The following KDM2B variants were observed in gnomAD, a reference collection of about 807,000 sequenced individuals.
KDM2B encodes the protein lysine demethylase 2B.
In KDM2B, 26 loss-of-function variants were observed where a neutral mutation model predicts 150.0. The ratio of observed to expected loss-of-function variants is 0.17; its 90% CI spans 0.13 to 0.24. The LOEUF is 0.24. Ranked by LOEUF, KDM2B falls within the 10% of genes least tolerant of loss-of-function variation. The pLI is 1.00. For missense variants in KDM2B, 1,265 were observed against 1,816.9 expected (o/e 0.70, Z 5.52); for synonymous variants, 734 against 729.5 (o/e 1.01, Z -0.10).
intron 4 of KDM2B, among the ~76,000 whole-genome samples, chr12:121,559,555 C>CAGGG (rs879997784): frequency 3.3e-5 from 5 of 152,056 alleles, no homozygotes; most frequent in Non-Finnish European, 7.4e-5. Flanking sequence ...CAGAGGGGAC[C>CAGGG]AGGGAGGCAG....
At chr12:121,444,800 C>G (rs1421227821) in intron 14 of KDM2B, 1 of 541,828 alleles carries the variant, frequency 1.8e-6, no homozygotes, top group African/African-American at 1.9e-5. Context: ...CTGGTGCCCT[C>G]GGCCATAAAA....
chr12:121,543,204 A>C (rs1888742053), intron 6 of KDM2B, among the ~76,000 whole-genome samples: 1 of 152,046 alleles, frequency 6.6e-6, no homozygotes, highest in Admixed American at 6.6e-5. Context: ...AAAAATACAA[A>C]AATTAGCTGG....
At position 121,549,462 on chromosome 12, in the gene KDM2B, C is replaced by T. The variant is rs782114513; in HGVS notation, c.574G>A (p.Val192Met). The T allele has an allele frequency of 2.9e-5, 46 of 1,593,596 alleles. No individual in the cohort carries two copies. In the East Asian group the frequency reaches 1.0e-3, roughly 36 times the overall value. The change falls in exon 5 of 23, where the codon GTG becomes ATG. Residue 192 changes from valine to methionine, a missense_variant and splice_region_variant. Coordinates refer to ENST00000377071, the MANE Select transcript of KDM2B (RefSeq NM_032590.5). This position sits in a 1 kb window ranked among gnomAD's most constrained non-coding sequence, Gnocchi z 4.4. ...GGGTACCTGGGCCCCGGACCTACCACAGTCGGACGCTTGACCAAGTGCTCC... is the reference window on the plus strand; with the variant it reads ...GGGTACCTGGGCCCCGGACCTACCATAGTCGGACGCTTGACCAAGTGCTCC... ...KLEHLVKRPT[V>M]VDLVDWVDNM...
In KDM2B at chr12:121,532,932, G is replaced by A. The variant is rs782207344; in HGVS notation, c.805C>T (p.His269Tyr). 2.5e-6 allele frequency: 4 copies of A among 1,614,190 alleles called. No homozygotes were observed. Among genetic ancestry groups the A allele is most frequent in the Non-Finnish European group, 3.4e-6 (4 of 1,180,044 alleles). ...KIFWLIPPTLHNLALYEEWVL... is the reference protein window; with the variant it reads ...KIFWLIPPTLYNLALYEEWVL... ...CACTCCTCGTACAGCGCCAAATTGT[G>A]CAGCGTTGGAGGAATCAGCCAAAAA... The change falls in exon 8 of 23, where the codon CAC (histidine) becomes TAC (tyrosine). Residue 269 changes from histidine to tyrosine, a missense_variant. By Grantham distance (83) the His-to-Tyr change is moderately conservative. This residue lies in a region of KDM2B where 214 missense variants were observed against 447.4 expected (regional missense o/e 0.48). Transcript: ENST00000377071.
intron 22 of KDM2B, among the ~76,000 whole-genome samples, chr12:121,435,975 C>T (rs1383913004): frequency 6.6e-6 from 1 of 152,206 alleles, no homozygotes; most frequent in East Asian, 1.9e-4. Flanking sequence ...CTGCTGAAGG[C>T]CACTGACAGC....
At chr12:121,504,065 C>G (rs374931052) in intron 11 of KDM2B, among the ~76,000 whole-genome samples, 14 of 152,342 alleles carry the variant, frequency 9.2e-5, no homozygotes, top group African/African-American at 3.4e-4. Flanking sequence ...ACTTCCATCA[C>G]AGTAAGTGTC....
At chr12:121,422,798 G>A in the KDM2B span, among the ~76,000 whole-genome samples, 1 of 152,308 alleles carries the variant, frequency 6.6e-6, no homozygotes, top group South Asian at 2.1e-4. Flanking sequence ...GGTGGGCCAA[G>A]AGCCAGGACG....
chr12:121,548,536 C>T (rs1889240716), intron 6 of KDM2B, among the ~76,000 whole-genome samples: 1 of 152,196 alleles, frequency 6.6e-6, no homozygotes, highest in Non-Finnish European at 1.5e-5. Context: ...CACAATGTCT[C>T]ATGGAGGGAG....
chr12:121,562,772 C>T (rs1358547491), intron 4 of KDM2B, among the ~76,000 whole-genome samples: 1 of 152,128 alleles, frequency 6.6e-6, no homozygotes, highest in African/African-American at 2.4e-5. Context: ...CCTGGCTCCA[C>T]TGCCTACCAG....
intron 4 of KDM2B, among the ~76,000 whole-genome samples, chr12:121,554,625 G>C (rs1889765962): frequency 6.6e-6 from 1 of 151,944 alleles, no homozygotes; most frequent in Non-Finnish European, 1.5e-5. Flanking sequence ...TGTCCAGGCT[G>C]GTCTAGAACT....
chr12:121,460,628 G>A (rs1170225751), intron 12 of KDM2B, among the ~76,000 whole-genome samples: 4 of 152,028 alleles, frequency 2.6e-5, no homozygotes, highest in African/African-American at 7.2e-5. Context: ...GGCTGGTCTC[G>A]ATCTTCTGGG....
intron 11 of KDM2B, among the ~76,000 whole-genome samples, chr12:121,507,459 A>C (rs930697620): frequency 6.6e-6 from 1 of 152,252 alleles, no homozygotes; most frequent in Non-Finnish European, 1.5e-5. Flanking sequence ...GAGATGCCTC[A>C]TTTCATATTA....
the KDM2B span, chr12:121,419,981 TGAGA>T: frequency 5.7e-6 from 2 of 350,418 alleles, no homozygotes; most frequent in Non-Finnish European, 1.1e-5. Context: ...GGGACCTTCC[TGAGA>T]GAGTTAATAC....
upstream of KDM2B, chr12:121,581,076 T>C: frequency 1.2e-6 from 1 of 855,980 alleles, no homozygotes; most frequent in Non-Finnish European, 1.7e-6. Context: ...CCGGAAGACG[T>C]TGCCTTTCAT....
At chr12:121,554,033 C>CCACACAAA (rs1491387029) in intron 4 of KDM2B, among the ~76,000 whole-genome samples, 2 of 122,064 alleles carry the variant, frequency 1.6e-5, no homozygotes, top group South Asian at 5.8e-4. Flanking sequence ...CACCCCAGCT[C>CCACACAAA]CACACACACA....
chr12:121,577,746 A>G (rs555974091), intron 2 of KDM2B, among the ~76,000 whole-genome samples: 1 of 152,318 alleles, frequency 6.6e-6, no homozygotes, highest in South Asian at 2.1e-4. Context: ...AATATCTGAA[A>G]GGGAAAAGGA....
Position 121,439,842 on chromosome 12 carries a change from G to A in KDM2B, c.3829+15C>T, listed in dbSNP as rs1555287730. 1.9e-6 allele frequency: 3 copies of A among 1,609,800 alleles called. No individual in the cohort carries two copies. Among genetic ancestry groups the A allele is most frequent in the South Asian group, 2.2e-5 (2 of 90,920 alleles). ...ACGGAGTGTTAGGCAGACCCGATGG[G>A]GGCCCCTGACTCACCAGACAGGTTG... On this transcript the variant is annotated intron_variant, in intron 22 of 22. Coordinates refer to ENST00000377071, the MANE Select transcript of KDM2B (RefSeq NM_032590.5).
At chr12:121,565,268 G>A (rs1555314649) in intron 4 of KDM2B, among the ~76,000 whole-genome samples, 1 of 151,838 alleles carries the variant, frequency 6.6e-6, no homozygotes, top group Non-Finnish European at 1.5e-5. Context: ...CACTAATGGA[G>A]TCACCTCATT....
At chr12:121,527,344 AGCCT>A (rs1333822179) in intron 8 of KDM2B, among the ~76,000 whole-genome samples, 1 of 43,180 alleles carries the variant, frequency 2.3e-5, no homozygotes, top group Admixed American at 2.7e-4. Context: ...CACTGTGCCC[AGCCT>A]AAAAAAAAAT....
Sources: gnomAD v4.1 joint callset for allele counts (sites outside exome capture counted in the v4.1 genomes callset) on GRCh38, gnomAD v4.1.1 for gene constraint, gnomAD v4.1.1 regional missense constraint, Gnocchi (gnomAD v3.1) non-coding constraint, MANE v1.5 for transcripts, NCBI Gene and HGNC (gene_info 2026-07-23, HGNC 2026-07-21) for gene names.